RECK: variants seen among roughly 807,000 people sequenced by gnomAD.
RECK encodes reversion inducing cysteine rich protein with kazal motifs, also known as reversion-inducing cysteine-rich protein with Kazal motifs.
A neutral mutation model predicts 115.1 loss-of-function variants in RECK; 69 were observed. The ratio of observed to expected loss-of-function variants is 0.60; its 90% CI spans 0.49 to 0.73. RECK has a LOEUF of 0.73. Among genes scored for constraint, RECK ranks in the 30% least tolerant of loss-of-function variants. The pLI is 0.00. For missense variants in RECK, 1,047 were observed against 1,203.7 expected (o/e 0.87, Z 1.93); for synonymous variants, 414 against 419.7 (o/e 0.99, Z 0.17).
chr9:36,056,695 A>T (rs985568645), intron 2 of RECK, among the ~76,000 whole-genome samples: 2 of 152,122 alleles, frequency 1.3e-5, no homozygotes, highest in Non-Finnish European at 2.9e-5. Flanking sequence ...TTTAATTTTT[A>T]ATTTTATTTA....
At position 36,036,992 on chromosome 9, in the gene RECK, CCCGGA is replaced by C; in HGVS notation, c.-5_-1del. ...ATCCCGCGGCTCTGGAGCCGCCCGG[CCCGGA>C]CATGGCGACCGTCCGGGCCTCTCTG... On this transcript the variant is annotated 5_prime_UTR_variant, in exon 1 of 21. Transcript: ENST00000377966. 1 of 1,424,056 alleles carries C rather than the reference CCCGGA, an allele frequency of 7.0e-7. No individual in the cohort carries two copies. Among genetic ancestry groups the C allele is most frequent in the Non-Finnish European group, 9.2e-7 (1 of 1,087,122 alleles). The allele number at this position is 1,424,056 out of a possible 1,614,324, so 88.2% of individuals were successfully genotyped here.
chr9:36,122,729 C>A, intron 20 of RECK, 95 bp from the exon 21 acceptor site: 1 of 925,392 alleles, frequency 1.1e-6, no homozygotes, highest in Non-Finnish European at 1.7e-6. Flanking sequence ...CCCTCTGAGG[C>A]CACGCTACTT....
intron 1 of RECK, among the ~76,000 whole-genome samples, chr9:36,050,528 T>G (rs1821245057): frequency 1.3e-5 from 2 of 152,186 alleles, no homozygotes; most frequent in South Asian, 4.1e-4. Context: ...TATTAGTGTT[T>G]CCTCCCTTAC....
intron 9 of RECK, 104 bp downstream of exon 9, chr9:36,088,065 T>C: frequency 1.2e-6 from 1 of 804,834 alleles, no homozygotes; most frequent in South Asian, 1.7e-5. Context: ...GGTATAGGTT[T>C]AGCATTTAGA....
At chr9:36,083,810 AT>A (rs1822830932) in intron 8 of RECK, among the ~76,000 whole-genome samples, 1 of 152,158 alleles carries the variant, frequency 6.6e-6, no homozygotes, top group Admixed American at 6.6e-5. Context: ...ACTGATATGG[AT>A]TTTTTAGAGG....
At position 36,091,299 on chromosome 9, in the gene RECK, G is replaced by T; in HGVS notation, c.1041G>T (p.Gln347His). 6.2e-7 allele frequency: 1 copy of T among 1,603,810 alleles called. No homozygotes were observed. The highest frequency in any genetic ancestry group is 8.5e-7 in the Non-Finnish European group (1 of 1,176,136). The change falls in exon 10 of 21, where the codon CAG (glutamine) becomes CAT (histidine). Residue 347 changes from glutamine to histidine, a missense_variant. Transcript: ENST00000377966. The stretch of plus-strand genomic sequence containing the variant: ...TAGCGGATGTCCGGGAACCTTGCCA[G>T]TTGGGCTGTAGAAACCTTACTTACT... Reference protein sequence around the residue: ...TCLADVREPCQLGCRNLTYCT... With the variant: ...TCLADVREPCHLGCRNLTYCT...
intron 1 of RECK, among the ~76,000 whole-genome samples, chr9:36,045,598 T>C (rs1447739390): frequency 7.2e-6 from 1 of 139,126 alleles, no homozygotes. Flanking sequence ...GAGGGAATCT[T>C]TTTTTTTTTT....
At chr9:36,076,384 C>A (rs1361893430) in intron 6 of RECK, among the ~76,000 whole-genome samples, 1 of 152,194 alleles carries the variant, frequency 6.6e-6, no homozygotes, top group Non-Finnish European at 1.5e-5. Flanking sequence ...GTCTACTTCC[C>A]AGGTGCACCC....
chr9:36,039,525 T>G (rs1438096765), intron 1 of RECK, among the ~76,000 whole-genome samples: 1 of 152,182 alleles, frequency 6.6e-6, no homozygotes, highest in Admixed American at 6.5e-5. Flanking sequence ...TTCCTATTCC[T>G]GGGGGATGGA....
chr9:36,067,903 A>G (rs1016868118), intron 6 of RECK, among the ~76,000 whole-genome samples: 2 of 151,270 alleles, frequency 1.3e-5, no homozygotes, highest in Non-Finnish European at 2.9e-5. Flanking sequence ...AATTTGGGTA[A>G]AGACCTAAAG....
At chr9:36,066,931 A>G (rs1325889480) in intron 6 of RECK, 7 of 1,115,428 alleles carry the variant, frequency 6.3e-6, no homozygotes, top group African/African-American at 3.2e-5. Flanking sequence ...TTCCCAGTCT[A>G]TCTTCCCTAA....
intron 13 of RECK, among the ~76,000 whole-genome samples, chr9:36,105,572 G>C (rs1339240270): frequency 6.6e-6 from 1 of 152,100 alleles, no homozygotes; most frequent in East Asian, 1.9e-4. Flanking sequence ...ACTCTCGTGA[G>C]TTGCAGGGTT....
At chr9:36,086,218 T>C (rs932841572) in intron 8 of RECK, 2 of 152,252 alleles carry the variant, frequency 1.3e-5, no homozygotes, top group African/African-American at 4.8e-5. Flanking sequence ...GTACTATTTA[T>C]GTTACAACTT....
At chr9:36,110,203 A>G in intron 15 of RECK, 124 bp downstream of exon 15, 1 of 1,035,416 alleles carries the variant, frequency 9.7e-7, no homozygotes, top group Non-Finnish European at 1.4e-6. Context: ...ACAGAATCTA[A>G]GGGCAAGATG....
At position 36,105,178 on chromosome 9, in the gene RECK, ACT is replaced by A; in HGVS notation, c.1473_1474del (p.His492SerfsTer3). Reference protein sequence around the residue: ...STLGNIVEEVTHPCNPNPCPA... With the variant: ...STLGNIVEEVXHPCNPNPCPA... Reference sequence around the variant, plus strand: ...TTTAGGTAACATTGTAGAAGAAGTGACTCATCCCTGTAACCCAAATCCTTGCC... The same window carrying A: ...TTTAGGTAACATTGTAGAAGAAGTGACATCCCTGTAACCCAAATCCTTGCC... On this transcript the variant is annotated frameshift_variant, in exon 13 of 21. Coordinates refer to ENST00000377966, the MANE Select transcript of RECK (RefSeq NM_021111.3). LOFTEE classifies it high-confidence loss of function. 6.2e-7 allele frequency: 1 copy of A among 1,614,024 alleles called. No homozygotes were observed. The highest frequency in any genetic ancestry group is 8.5e-7 in the Non-Finnish European group (1 of 1,179,972).
chr9:36,098,752 A>G (rs966270066), intron 10 of RECK, among the ~76,000 whole-genome samples: 1 of 152,192 alleles, frequency 6.6e-6, no homozygotes, highest in Admixed American at 6.5e-5. Flanking sequence ...CATCCAAACA[A>G]TGGGATAGCA....
chr9:36,099,160 A>AG (rs1823467398), intron 10 of RECK, among the ~76,000 whole-genome samples: 2 of 152,062 alleles, frequency 1.3e-5, no homozygotes, highest in Admixed American at 1.3e-4. Flanking sequence ...CACAAGGTCG[A>AG]GGCTGCAGTG....
In RECK at chr9:36,123,191, C is replaced by T. The variant is rs940703911; in HGVS notation, c.*146C>T. ...CCACACAGTATTTTTTTTTTTAATC[C>T]GCCAATATTAGTAGGATTTTTGTTT... On this transcript the variant is annotated 3_prime_UTR_variant, in exon 21 of 21. Coordinates refer to ENST00000377966, the MANE Select transcript of RECK (RefSeq NM_021111.3). 12 of 584,028 alleles carry T rather than the reference C, an allele frequency of 2.1e-5. No individual in the cohort carries two copies. The highest frequency in any genetic ancestry group is 5.1e-5 in the South Asian group (2 of 39,148). 36.2% of individuals were successfully genotyped at this position (584,028 alleles called of 1,614,324 possible).
chr9:36,108,204 A>C (rs1160224263), intron 14 of RECK, 40 bp downstream of exon 14: 2 of 1,439,370 alleles, frequency 1.4e-6, no homozygotes, highest in Non-Finnish European at 9.5e-7. Context: ...ATATGAGATT[A>C]GTTATTTTTA....
Sources: gnomAD v4.1 joint callset for allele counts (sites outside exome capture counted in the v4.1 genomes callset) on GRCh38, gnomAD v4.1.1 for gene constraint, MANE v1.5 for transcripts, NCBI Gene and HGNC (gene_info 2026-07-23, HGNC 2026-07-21) for gene names.